PRR12: variants seen among roughly 807,000 people sequenced by gnomAD.
PRR12 encodes the protein proline-rich protein 12.
A neutral mutation model predicts 138.0 loss-of-function variants in PRR12; 12 were observed. The ratio of observed to expected loss-of-function variants is 0.09; its 90% CI spans 0.06 to 0.14. The LOEUF is 0.14. PRR12 is among the 10% of genes least tolerant of loss of function. PRR12 has a pLI of 1.00. For synonymous variants in PRR12, 1,567 were observed against 1,291.7 expected, an observed-to-expected ratio of 1.21 and a Z score of -4.57; for missense variants, 2,692 against 2,861.3, an observed-to-expected ratio of 0.94 and a Z score of 1.35.
At position 49,615,985 on chromosome 19, in the gene PRR12, C is replaced by T. The variant is rs1405867879; in HGVS notation, c.5263C>T (p.Arg1755Trp). The change falls in exon 9 of 14, where the codon CGG becomes TGG. Residue 1755 changes from arginine to tryptophan, a missense_variant. By Grantham distance (101) the Arg-to-Trp change is moderately radical. Transcript: ENST00000418929. ...EKVTRGERPL[R>W]GERATSGRQT... ...GGTGACACGTGGAGAGCGGCCATTGCGGGGTGAGCGGGCCACCAGCGGACG... is the reference window on the plus strand; with the variant it reads ...GGTGACACGTGGAGAGCGGCCATTGTGGGGTGAGCGGGCCACCAGCGGACG... 8 of 1,552,482 alleles carry T rather than the reference C, an allele frequency of 5.2e-6. No individual in the cohort carries two copies. The highest frequency in any genetic ancestry group is 4.1e-5 in the African/African-American group (3 of 73,050).
Position 49,596,775 on chromosome 19 carries a change from C to G in PRR12, c.2440C>G (p.Pro814Ala). 3 of 1,603,498 alleles carry G rather than the reference C, an allele frequency of 1.9e-6. No homozygotes were observed. The highest frequency in any genetic ancestry group is 2.5e-6 in the Non-Finnish European group (3 of 1,179,288). ...SVLSHAPSPS[P>A]SASKVGVHLL... ...CCTCAGCCATGCCCCCAGTCCCTCTCCCAGCGCCTCCAAAGTCGGCGTCCA... is the reference window on the plus strand; with the variant it reads ...CCTCAGCCATGCCCCCAGTCCCTCTGCCAGCGCCTCCAAAGTCGGCGTCCA... Residue 814 changes from proline to alanine, a missense_variant, in exon 4 of 14, where the codon CCC (proline) becomes GCC (alanine). Physicochemically the swap from Pro to Ala is conservative, Grantham distance 27 (BLOSUM62 -1). Around this residue, in one of 11 missense-constraint regions of PRR12, gnomAD observed 840 missense variants for 689.8 expected, o/e 1.22. Transcript: ENST00000418929. This position sits in a 1 kb window ranked among gnomAD's most constrained non-coding sequence, Gnocchi z 5.6.
Position 49,614,711 on chromosome 19 carries a change from G to T in PRR12, c.4890+62G>T. 1 of 1,492,428 alleles carries T rather than the reference G, an allele frequency of 6.7e-7. No homozygotes were observed. Among genetic ancestry groups the T allele is most frequent in the East Asian group, 2.4e-5 (1 of 40,876 alleles). 92.4% of individuals were successfully genotyped at this position (1,492,428 alleles called of 1,614,324 possible). A position where few individuals can be genotyped will look rare whatever the true frequency, so the allele number is the denominator to read the frequency against. ...CGGGGCGTGGTATCTAGGAGCTGGG[G>T]TTCCCCTTAGTGTGGCTGTGACTCA... On this transcript the variant is annotated intron_variant, in intron 7 of 13. Coordinates refer to ENST00000418929, the MANE Select transcript of PRR12 (RefSeq NM_020719.3). The surrounding 1 kb of genome is among the most constrained non-coding windows in gnomAD (Gnocchi z 5.0).
In PRR12 at chr19:49,596,640, C is replaced by G. The variant is rs200746181; in HGVS notation, c.2305C>G (p.Pro769Ala). The G allele has an allele frequency of 9.1e-4, 1,454 of 1,597,362 alleles. 2 individuals carry two copies. Among genetic ancestry groups the G allele is most frequent in the Non-Finnish European group, 1.1e-3 (1,348 of 1,172,942 alleles). Reference protein sequence around the residue: ...FLQKSPPPPPPTAQSTQPTPH... With the variant: ...FLQKSPPPPPATAQSTQPTPH... The stretch of plus-strand genomic sequence containing the variant: ...GCAAAAGAGCCCTCCGCCCCCACCT[C>G]CCACGGCCCAGTCTACCCAGCCCAC... Residue 769 changes from proline to alanine, a missense_variant, in exon 4 of 14, where the codon CCC becomes GCC. By Grantham distance (27) the Pro-to-Ala change is conservative. This residue lies in a region of PRR12 where 840 missense variants were observed against 689.8 expected (regional missense o/e 1.22). Transcript: ENST00000418929. This position sits in a 1 kb window ranked among gnomAD's most constrained non-coding sequence, Gnocchi z 5.6.
intron 6 of PRR12, among the ~76,000 whole-genome samples, chr19:49,605,452 G>A (rs867921811): frequency 2.6e-5 from 4 of 151,882 alleles, no homozygotes; most frequent in Middle Eastern, 3.4e-3. Context: ...AGTAGAGATG[G>A]GATTTCTCCA....
intron 6 of PRR12, among the ~76,000 whole-genome samples, chr19:49,612,595 G>A (rs970048849): frequency 4.6e-5 from 7 of 152,092 alleles, no homozygotes; most frequent in South Asian, 2.1e-4. Context: ...CACCAACACC[G>A]GGAGTGGGAG....
intron 9 of PRR12, 77 bp from the exon 10 acceptor site, chr19:49,620,275 G>A (rs1408626791): frequency 3.8e-6 from 6 of 1,581,766 alleles, no homozygotes; most frequent in Non-Finnish European, 3.4e-6. Flanking sequence ...GGTCCCCAGT[G>A]TTGAGAACAG....
At chr19:49,619,802 A>G (rs1264955846) in intron 9 of PRR12, among the ~76,000 whole-genome samples, 3 of 150,170 alleles carry the variant, frequency 2.0e-5, no homozygotes, top group African/African-American at 7.4e-5. Context: ...TCGGCCTCCC[A>G]AAGTGCTGGG....
At position 49,595,672 on chromosome 19, in the gene PRR12, G is replaced by C. The variant is rs370441443; in HGVS notation, c.1337G>C (p.Gly446Ala). The C allele has an allele frequency of 6.3e-6, 10 of 1,598,846 alleles. No individual in the cohort carries two copies. The highest frequency in any genetic ancestry group is 1.3e-5 in the African/African-American group (1 of 74,546). Residue 446 changes from glycine (G) to alanine (A), a missense_variant, in exon 4 of 14, where the codon GGT becomes GCT. Physicochemically the swap from Gly to Ala is moderately conservative, Grantham distance 60. This residue lies in a region of PRR12 where 523 missense variants were observed against 496.4 expected (regional missense o/e 1.05). Coordinates refer to ENST00000418929, the MANE Select transcript of PRR12 (RefSeq NM_020719.3). ...GCAGGGGGCCAGGCTTATTCCCCCG[G>C]TCAGCCTCAAGGGCTTCTGGGACCC... ...GGAGGQAYSP[G>A]QPQGLLGPQA...
Position 49,594,903 on chromosome 19 carries a change from C to T in PRR12, c.568C>T (p.His190Tyr). Residue 190 changes from histidine to tyrosine, a missense_variant, in exon 4 of 14, where the codon CAC (histidine) becomes TAC (tyrosine). Physicochemically the swap from His to Tyr is moderately conservative, Grantham distance 83. Transcript: ENST00000418929. The surrounding 1 kb of genome is among the most constrained non-coding windows in gnomAD (Gnocchi z 5.6). ...GCTCCTGTCCCCTCATGACGTGCTGCACCTGAAGCCCTCGCAGGCACCCAC... is the reference window on the plus strand; with the variant it reads ...GCTCCTGTCCCCTCATGACGTGCTGTACCTGAAGCCCTCGCAGGCACCCAC... Reference protein sequence around the residue: ...NGLLSPHDVLHLKPSQAPTVP... With the variant: ...NGLLSPHDVLYLKPSQAPTVP... The T allele has an allele frequency of 6.2e-7, 1 of 1,609,822 alleles. No individual in the cohort carries two copies.
At chr19:49,611,549 A>C (rs1041739466) in intron 6 of PRR12, among the ~76,000 whole-genome samples, 1 of 151,438 alleles carries the variant, frequency 6.6e-6, no homozygotes, top group Non-Finnish European at 1.5e-5. Flanking sequence ...GAGGCAGGAC[A>C]ATCACTTGAA....
chr19:49,591,890 C>G (rs933482217), intron 1 of PRR12, 150 bp downstream of exon 1: 27 of 447,378 alleles, frequency 6.0e-5, no homozygotes, highest in African/African-American at 5.3e-4. Flanking sequence ...TTTGTAACAA[C>G]GCCGCCGCCC....
At chr19:49,606,668 A>C (rs1327085617) in intron 6 of PRR12, among the ~76,000 whole-genome samples, 1 of 116,854 alleles carries the variant, frequency 8.6e-6, no homozygotes, top group African/African-American at 3.4e-5. Context: ...TTTTTTTGAG[A>C]TGGAGTCTCG....
At position 49,597,050 on chromosome 19, in the gene PRR12, G is replaced by A. The variant is rs1488019498; in HGVS notation, c.2715G>A (p.Glu905=). The part of the protein sequence containing the change: ...GDTGVGPPNS[E]GKDPAGAYRS... The stretch of plus-strand genomic sequence containing the variant: ...CTGGCGTAGGCCCACCAAACTCGGA[G>A]GGCAAGGATCCCGCAGGCGCCTACC... The change falls in exon 4 of 14, where the codon GAG becomes GAA. Residue 905 remains glutamate (E), a synonymous_variant. Coordinates refer to ENST00000418929, the MANE Select transcript of PRR12 (RefSeq NM_020719.3). The surrounding 1 kb of genome is among the most constrained non-coding windows in gnomAD (Gnocchi z 6.3). 3 of 1,554,604 alleles carry A rather than the reference G, an allele frequency of 1.9e-6. No individual in the cohort carries two copies. Among genetic ancestry groups the A allele is most frequent in the Non-Finnish European group, 2.6e-6 (3 of 1,150,268 alleles).
intron 11 of PRR12, among the ~76,000 whole-genome samples, chr19:49,623,943 G>C (rs939680317): frequency 6.6e-6 from 1 of 151,314 alleles, no homozygotes; most frequent in Non-Finnish European, 1.5e-5. Flanking sequence ...GGTTAGGATG[G>C]GGCTGGGAAT....
intron 9 of PRR12, among the ~76,000 whole-genome samples, chr19:49,619,883 G>A (rs1599802729): frequency 9.0e-6 from 1 of 111,330 alleles, no homozygotes; most frequent in South Asian, 3.1e-4. Context: ...TTTTGGAGAC[G>A]AGTTTCACTC....
intron 6 of PRR12, among the ~76,000 whole-genome samples, chr19:49,609,684 C>T (rs2080855914): frequency 6.6e-6 from 1 of 151,820 alleles, no homozygotes; most frequent in Non-Finnish European, 1.5e-5. Context: ...GTGCAAAGGC[C>T]CTGTGGTGAG....
rs2080757000 is a variant in PRR12, at chr19:49,595,128, C to G, written c.793C>G (p.Leu265Val). Residue 265 changes from leucine (L) to valine (V), a missense_variant, in exon 4 of 14, where the codon CTC becomes GTC. Transcript: ENST00000418929. ...AAAAEQSSPQ[L>V]YNFSGAAPGP... Reference sequence around the variant, plus strand: ...CGCTGCCGAGCAGTCCTCCCCACAGCTCTATAACTTCTCGGGTGCTGCCCC... The same window carrying G: ...CGCTGCCGAGCAGTCCTCCCCACAGGTCTATAACTTCTCGGGTGCTGCCCC... 4 of 1,612,114 alleles carry G rather than the reference C, an allele frequency of 2.5e-6. No individual in the cohort carries two copies. The highest frequency in any genetic ancestry group is 3.4e-6 in the Non-Finnish European group (4 of 1,179,714).
rs781417712 is a variant in PRR12 at position 49,620,490 on chromosome 19, C to T, written c.5623+13C>T. On this transcript the variant is annotated intron_variant, in intron 10 of 13. Transcript: ENST00000418929. ...GAGGACACGCATGGTGAGCTGAGGC[C>T]TGGGGAGGAGGGGGGGGGGCTGACT... 6 of 1,527,938 alleles carry T rather than the reference C, an allele frequency of 3.9e-6. No homozygotes were observed. In the Admixed American group the frequency reaches 9.9e-5, roughly 25 times the overall value. The allele number at this position is 1,527,938 out of a possible 1,614,324, so 94.6% of individuals were successfully genotyped here. A position where few individuals can be genotyped will look rare whatever the true frequency, so the allele number is the denominator to read the frequency against.
rs1250233354 is a variant in PRR12 at position 49,619,341 on chromosome 19, T to C, written c.5498-1011T>C. Among the ~76,000 whole-genome samples the C allele has an allele frequency of 5.4e-5, 8 of 149,258 alleles. No homozygotes were observed. In the East Asian group the frequency reaches 1.2e-3, roughly 22 times the overall value. ...ACCTCTGCCTCCCGGGTTCAAGCGA[T>C]TCTCCTGCCTCAGCCTCCCGAGTCG... On this transcript the variant is annotated intron_variant, in intron 9 of 13. Coordinates refer to ENST00000418929, the MANE Select transcript of PRR12 (RefSeq NM_020719.3).
Sources: gnomAD v4.1 joint callset for allele counts (sites outside exome capture counted in the v4.1 genomes callset) on GRCh38, gnomAD v4.1.1 for gene constraint, gnomAD v4.1.1 regional missense constraint, Gnocchi (gnomAD v3.1) non-coding constraint, MANE v1.5 for transcripts, NCBI Gene and HGNC (gene_info 2026-07-23, HGNC 2026-07-21) for gene names.